RGR: variants seen among roughly 807,000 people sequenced by gnomAD.
RGR encodes RPE-retinal G protein-coupled receptor.
A neutral mutation model predicts 28.6 loss-of-function variants in RGR; 30 were observed. The observed-to-expected ratio is 1.05, with a 90% CI of 0.78 to 1.42. RGR has a LOEUF of 1.42. Among genes scored for constraint, RGR ranks in the 40% most tolerant of loss-of-function variants. The probability of loss-of-function intolerance (pLI) is 0.00; values close to 1 mark genes in which losing one functional copy is unlikely to be tolerated. For missense variants in RGR, 404 were observed against 375.6 expected (o/e 1.08, Z -0.62); for synonymous variants, 180 against 156.4 (o/e 1.15, Z -1.13).
At chr10:84,257,327 C>T (rs917056394) in intron 5 of RGR, among the ~76,000 whole-genome samples, 3 of 152,300 alleles carry the variant, frequency 2.0e-5, no homozygotes, top group African/African-American at 4.8e-5. Context: ...AGGGTGGTCT[C>T]GCCGGGTGGC....
intron 5 of RGR, among the ~76,000 whole-genome samples, chr10:84,257,059 G>T (rs373322764): frequency 2.6e-5 from 4 of 152,190 alleles, no homozygotes; most frequent in African/African-American, 9.6e-5. Flanking sequence ...AATAATCCAA[G>T]ATGGAAGAAA....
At chr10:84,258,196 C>G (rs1401601544) in intron 6 of RGR, among the ~76,000 whole-genome samples, 190 bp downstream of exon 6, 1 of 152,132 alleles carries the variant, frequency 6.6e-6, no homozygotes, top group Non-Finnish European at 1.5e-5. Context: ...TGAGTCATAC[C>G]AGGCTGCTGC....
rs912677867 is a variant in RGR at position 84,245,253 on chromosome 10, G to T, written c.79+84G>T. The T allele has an allele frequency of 2.1e-6, 3 of 1,420,010 alleles. No homozygotes were observed. In the African/African-American group the frequency reaches 4.2e-5, roughly 20 times the overall value. 88.0% of individuals were successfully genotyped at this position (1,420,010 alleles called of 1,614,324 possible). ...CACCAGTGTGGAGCTGGCAAGGAGAGGAGAGGTCCCCAAACCCAGCTGGGT... is the reference window on the plus strand; with the variant it reads ...CACCAGTGTGGAGCTGGCAAGGAGATGAGAGGTCCCCAAACCCAGCTGGGT... On this transcript the variant is annotated intron_variant, in intron 1 of 6. Transcript: ENST00000652092.
intron 3 of RGR, among the ~76,000 whole-genome samples, chr10:84,251,461 G>A (rs1048594852): frequency 3.5e-4 from 53 of 152,142 alleles, no homozygotes; most frequent in African/African-American, 6.0e-4. Flanking sequence ...GGTCAGGTTC[G>A]GTGAGGGCTT....
rs1250423883 is a variant in RGR, at chr10:84,257,945, C to T, written c.683C>T (p.Ala228Val). 6 of 1,614,198 alleles carry T rather than the reference C, an allele frequency of 3.7e-6. No homozygotes were observed. The highest frequency in any genetic ancestry group is 5.1e-6 in the Non-Finnish European group (6 of 1,180,038). The stretch of plus-strand genomic sequence containing the variant: ...CTGCTGCTCGGCTGGGGCCCCTATG[C>T]CATCCTGTATCTATACGCAGTCATC... ...RTLLLGWGPY[A>V]ILYLYAVIAD... Residue 228 changes from alanine (A) to valine (V), a missense_variant, in exon 6 of 7, where the codon GCC becomes GTC. By Grantham distance (64) the Ala-to-Val change is moderately conservative. Coordinates refer to ENST00000652092, the MANE Select transcript of RGR (RefSeq NM_001012720.2).
At position 84,252,901 on chromosome 10, in the gene RGR, G is replaced by C. The variant is rs758023821; in HGVS notation, c.403G>C (p.Val135Leu). 6.2e-7 allele frequency: 1 copy of C among 1,613,954 alleles called. No individual in the cohort carries two copies. Among genetic ancestry groups the C allele is most frequent in the Non-Finnish European group, 8.5e-7 (1 of 1,180,048 alleles). The change falls in exon 4 of 7, where the codon GTG becomes CTG. Residue 135 changes from valine to leucine, a missense_variant. By Grantham distance (32) the Val-to-Leu change is conservative. Coordinates refer to ENST00000652092, the MANE Select transcript of RGR (RefSeq NM_001012720.2). The part of the protein sequence containing the change: ...WNSAVSLVLF[V>L]WLSSAFWAAL... ...CTCAGCCGTCTCTCTGGTGCTCTTC[G>C]TGTGGCTGTCTTCTGCCTTCTGGGC... is the stretch of plus-strand genomic sequence containing the variant.
intron 1 of RGR, among the ~76,000 whole-genome samples, chr10:84,247,167 C>G (rs1445480102): frequency 6.6e-6 from 1 of 152,162 alleles, no homozygotes; most frequent in East Asian, 1.9e-4. Context: ...GCTCCCAGCT[C>G]TAACATCGAC....
chr10:84,252,618 TG>T (rs1270621912), intron 3 of RGR, among the ~76,000 whole-genome samples: 1 of 152,200 alleles, frequency 6.6e-6, no homozygotes, highest in African/African-American at 2.4e-5. Flanking sequence ...GTTCTCATTT[TG>T]GTGAGTTGCT....
At chr10:84,248,839 C>T (rs1842779309) in intron 2 of RGR, 83 bp from the exon 3 acceptor site, 3 of 1,612,826 alleles carry the variant, frequency 1.9e-6, no homozygotes, top group African/African-American at 1.3e-5. Context: ...CATTCAGGAA[C>T]ACACACTCCA....
intron 3 of RGR, chr10:84,250,346 GC>G: frequency 1.4e-6 from 1 of 717,224 alleles, no homozygotes; most frequent in Non-Finnish European, 2.6e-6. Context: ...AAAATTCACT[GC>G]CCCTCATGGG....
At chr10:84,258,359 A>C in intron 6 of RGR, 149 bp from the exon 7 acceptor site, 1 of 1,313,748 alleles carries the variant, frequency 7.6e-7, no homozygotes, top group South Asian at 1.2e-5. Context: ...TGAGCCATGC[A>C]TCTCCACCAA....
At chr10:84,249,685 C>A (rs1197984718) in intron 3 of RGR, among the ~76,000 whole-genome samples, 1 of 152,128 alleles carries the variant, frequency 6.6e-6, no homozygotes, top group Non-Finnish European at 1.5e-5. Flanking sequence ...AATGCCCTTG[C>A]AGACAGGCAC....
intron 1 of RGR, among the ~76,000 whole-genome samples, chr10:84,246,437 C>T (rs1475733585): frequency 2.0e-5 from 3 of 152,096 alleles, no homozygotes; most frequent in East Asian, 1.9e-4. Flanking sequence ...AATGCCTTTG[C>T]GTACTCACGG....
rs1043069028 is a variant in RGR, at chr10:84,257,919, G to A, written c.657G>A (p.Thr219=). 5.0e-6 allele frequency: 8 copies of A among 1,614,056 alleles called. No homozygotes were observed. The highest frequency in any genetic ancestry group is 6.8e-6 in the Non-Finnish European group (8 of 1,180,048). ...LQVNTTLPAR[T]LLLGWGPYAI... ...TAAACACCACTCTGCCAGCAAGGAC[G>A]CTGCTGCTCGGCTGGGGCCCCTATG... Residue 219 remains threonine, a synonymous_variant, in exon 6 of 7, where the codon ACG becomes ACA. Coordinates refer to ENST00000652092, the MANE Select transcript of RGR (RefSeq NM_001012720.2).
At chr10:84,253,214 G>A (rs1231448931) in intron 4 of RGR, among the ~76,000 whole-genome samples, 3 of 152,148 alleles carry the variant, frequency 2.0e-5, no homozygotes, top group Non-Finnish European at 4.4e-5. Flanking sequence ...CAGGTGATGG[G>A]AATGCTGTGA....
chr10:84,246,022 C>T (rs1842742594), intron 1 of RGR, among the ~76,000 whole-genome samples: 1 of 152,182 alleles, frequency 6.6e-6, no homozygotes, highest in South Asian at 2.1e-4. Context: ...GTCCTGAAGG[C>T]TCTGGACACG....
chr10:84,258,158 T>C, intron 6 of RGR, 152 bp downstream of exon 6: 1 of 813,720 alleles, frequency 1.2e-6, no homozygotes, highest in Non-Finnish European at 2.0e-6. Flanking sequence ...GAGCATTAGT[T>C]TGCCCCCCTA....
intron 1 of RGR, among the ~76,000 whole-genome samples, chr10:84,245,455 T>C (rs995847403): frequency 2.6e-5 from 4 of 152,140 alleles, no homozygotes; most frequent in East Asian, 1.9e-4. Context: ...AGAGCCAGGC[T>C]TTAGGACTTT....
intron 4 of RGR, 60 bp downstream of exon 4, chr10:84,253,070 T>A: frequency 1.3e-6 from 2 of 1,573,688 alleles, no homozygotes; most frequent in Non-Finnish European, 1.7e-6. Context: ...TTTGAACTCC[T>A]ATGACAAGGG....
Sources: allele counts gnomAD v4.1 joint callset (sites outside exome capture counted in the v4.1 genomes callset), GRCh38; gene constraint gnomAD v4.1.1; transcripts MANE v1.5; gene names NCBI Gene and HGNC (gene_info 2026-07-23, HGNC 2026-07-21).